The following RTN3 variants were observed in gnomAD, a reference collection of about 807,000 sequenced individuals.
The protein encoded by RTN3 is reticulon 3.
In RTN3, 49 loss-of-function variants were observed where a neutral mutation model predicts 77.8. The ratio of observed to expected loss-of-function variants is 0.63; its 90% CI spans 0.50 to 0.80. The LOEUF (loss-of-function observed/expected upper bound fraction) is 0.80. RTN3 is among the 30% of genes least tolerant of loss of function. The probability of loss-of-function intolerance (pLI) is 0.00; values close to 1 mark genes in which losing one functional copy is unlikely to be tolerated. For synonymous variants in RTN3, 464 were observed against 446.9 expected, an observed-to-expected ratio of 1.04 and a Z score of -0.48; for missense variants, 1,236 against 1,211.9, an observed-to-expected ratio of 1.02 and a Z score of -0.29.
chr11:63,702,679 T>C (rs1942300387), intron 1 of RTN3, among the ~76,000 whole-genome samples: 1 of 146,308 alleles, frequency 6.8e-6, no homozygotes, highest in African/African-American at 2.5e-5. Flanking sequence ...TGTTTTTGTT[T>C]TTTTGTTTTT....
rs1162674664 is a variant in RTN3, at chr11:63,759,351, ATATGCACTGGCGAGTT to A, written c.*1153_*1168del. On this transcript the variant is annotated 3_prime_UTR_variant, in exon 9 of 9. Coordinates refer to ENST00000377819, the MANE Select transcript of RTN3 (RefSeq NM_001265589.2). ...TCATAGTCATGATCCTTCAGAGGGA[ATATGCACTGGCGAGTT>A]TAAAGTAAGGGCTATGATATTTGAT... The A allele has an allele frequency of 6.6e-6, 1 of 152,582 alleles. No homozygotes were observed. The highest frequency in any genetic ancestry group is 6.5e-5 in the Admixed American group (1 of 15,276). The allele number at this position is 152,582 out of a possible 1,614,324, so 9.5% of individuals were successfully genotyped here. A position where few individuals can be genotyped will look rare whatever the true frequency, so the allele number is the denominator to read the frequency against.
intron 3 of RTN3, among the ~76,000 whole-genome samples, chr11:63,729,588 C>G (rs1031842733): frequency 1.3e-5 from 2 of 150,426 alleles, no homozygotes; most frequent in Non-Finnish European, 3.0e-5. Context: ...CTCCCATGTA[C>G]CTGGGACCAC....
intron 2 of RTN3, among the ~76,000 whole-genome samples, chr11:63,713,708 T>C (rs2011233362): frequency 6.6e-6 from 1 of 152,202 alleles, no homozygotes. Context: ...TGAAAATGAA[T>C]ATCCACACTA....
At chr11:63,685,072 T>C (rs1377869915) in intron 1 of RTN3, among the ~76,000 whole-genome samples, 2 of 152,202 alleles carry the variant, frequency 1.3e-5, no homozygotes, top group Non-Finnish European at 1.5e-5. Context: ...GAGACTCTTA[T>C]CTTAAATGCT....
chr11:63,752,509 C>G lies in RTN3; in HGVS notation c.2741C>G (p.Ala914Gly), dbSNP rs373638785. 37 of 1,612,294 alleles carry G rather than the reference C, an allele frequency of 2.3e-5. No homozygotes were observed. Among genetic ancestry groups the G allele is most frequent in the Middle Eastern group, 1.6e-4 (1 of 6,078 alleles). Residue 914 changes from alanine (A) to glycine (G), a missense_variant and splice_region_variant, in exon 5 of 9, where the codon GCC becomes GGC. Coordinates refer to ENST00000377819, the MANE Select transcript of RTN3 (RefSeq NM_001265589.2). Reference sequence around the variant, plus strand: ...ACTGTTATTTCTTCTTCTGGAAGAGCCTACCTGGACGTAGACATTACTCTG... The same window carrying G: ...ACTGTTATTTCTTCTTCTGGAAGAGGCTACCTGGACGTAGACATTACTCTG... ...QKSEEGHPFK[A>G]YLDVDITLSS...
chr11:63,745,379 G>A (rs755392124), intron 3 of RTN3, among the ~76,000 whole-genome samples: 3 of 152,170 alleles, frequency 2.0e-5, no homozygotes, highest in Non-Finnish European at 1.5e-5. Flanking sequence ...CAAATAAAGT[G>A]GTAGGTGCTC....
At chr11:63,690,315 T>C (rs991861921) in intron 1 of RTN3, among the ~76,000 whole-genome samples, 1 of 152,238 alleles carries the variant, frequency 6.6e-6, no homozygotes, top group African/African-American at 2.4e-5. Flanking sequence ...ATTTTCACGA[T>C]ATCTTACATT....
rs747128236 is a variant in RTN3, at chr11:63,720,142, G to C, written c.1640G>C (p.Arg547Thr). The C allele has an allele frequency of 1.3e-5, 21 of 1,613,580 alleles. No individual in the cohort carries two copies. Among genetic ancestry groups the C allele is most frequent in the Non-Finnish European group, 1.8e-5 (21 of 1,179,902 alleles). The part of the protein sequence containing the change: ...REIKEIPSCE[R>T]EEKTSKNFEE... ...ATCAAAGAGATTCCCAGTTGTGAGA[G>C]AGAAGAAAAAACATCTAAAAACTTT... Residue 547 changes from arginine to threonine, a missense_variant, in exon 3 of 9, where the codon AGA becomes ACA. By Grantham distance (71) the Arg-to-Thr change is moderately conservative (BLOSUM62 -1). This residue lies in a region of RTN3 where 1,056 missense variants were observed against 990.4 expected (regional missense o/e 1.07). Coordinates refer to ENST00000377819, the MANE Select transcript of RTN3 (RefSeq NM_001265589.2).
At chr11:63,737,776 A>G (rs2013226123) in intron 3 of RTN3, among the ~76,000 whole-genome samples, 1 of 152,192 alleles carries the variant, frequency 6.6e-6, no homozygotes, top group East Asian at 1.9e-4. Context: ...TTAATGAACA[A>G]ACAACTATTT....
At chr11:63,748,762 G>C (rs1276100955) in intron 3 of RTN3, among the ~76,000 whole-genome samples, 1 of 151,018 alleles carries the variant, frequency 6.6e-6, no homozygotes, top group Non-Finnish European at 1.5e-5. Context: ...CCGCTTCCCG[G>C]GTTCAAGCGA....
intron 3 of RTN3, among the ~76,000 whole-genome samples, chr11:63,735,522 G>C (rs550354339): frequency 7.4e-6 from 1 of 135,724 alleles, no homozygotes; most frequent in Non-Finnish European, 1.5e-5. Context: ...ATGGATTCAA[G>C]ACAATTCAAA....
At chr11:63,742,230 C>T (rs961074608) in intron 3 of RTN3, among the ~76,000 whole-genome samples, 15 of 151,602 alleles carry the variant, frequency 9.9e-5, no homozygotes, top group Admixed American at 2.6e-4. Context: ...CCACCTGCCT[C>T]GGCCTCCCAA....
At chr11:63,746,579 A>G (rs2013810277) in intron 3 of RTN3, among the ~76,000 whole-genome samples, 1 of 151,978 alleles carries the variant, frequency 6.6e-6, no homozygotes, top group African/African-American at 2.4e-5. Context: ...AAGTGGCGCA[A>G]TCTTGGCTCA....
At chr11:63,755,213 CTG>C (rs763906843) in intron 7 of RTN3, among the ~76,000 whole-genome samples, 1 of 152,094 alleles carries the variant, frequency 6.6e-6, no homozygotes. Context: ...TCATTGGAAA[CTG>C]TTATATACTC....
At chr11:63,739,954 TGTCA>T (rs1565337252) in intron 3 of RTN3, among the ~76,000 whole-genome samples, 1 of 152,186 alleles carries the variant, frequency 6.6e-6, no homozygotes, top group Non-Finnish European at 1.5e-5. Flanking sequence ...CAGGGAAGAA[TGTCA>T]GTCAGAAATG....
At chr11:63,714,296 A>G (rs965434890) in intron 2 of RTN3, 34 of 339,456 alleles carry the variant, frequency 1.0e-4, no homozygotes, top group African/African-American at 7.1e-4. Context: ...ATTGATAGTA[A>G]TGATTAGCGC....
intron 2 of RTN3, among the ~76,000 whole-genome samples, chr11:63,717,375 CTTTTTTTTTTTT>C (rs1187530525): frequency 4.0e-5 from 3 of 75,164 alleles, no homozygotes; most frequent in Non-Finnish European, 5.3e-5. Context: ...TTAACTCTGT[CTTTTTTTTTTTT>C]TTTTTTTTTT....
At chr11:63,757,735 T>C in intron 8 of RTN3, among the ~76,000 whole-genome samples, 1 of 149,938 alleles carries the variant, frequency 6.7e-6, no homozygotes, top group Non-Finnish European at 1.5e-5. Flanking sequence ...TTTTTTTTTT[T>C]TTTTGAGATG....
chr11:63,704,978 C>G, intron 2 of RTN3, 71 bp downstream of exon 2: 1 of 1,134,284 alleles, frequency 8.8e-7, no homozygotes, highest in Non-Finnish European at 1.3e-6. Flanking sequence ...ACTGGGGATA[C>G]GAGGCACAAG....
Sources: gnomAD v4.1 joint callset for allele counts (sites outside exome capture counted in the v4.1 genomes callset) on GRCh38, gnomAD v4.1.1 for gene constraint, gnomAD v4.1.1 regional missense constraint, MANE v1.5 for transcripts, NCBI Gene and HGNC (gene_info 2026-07-23, HGNC 2026-07-21) for gene names.